DACT2: variants seen among roughly 807,000 people sequenced by gnomAD.
DACT2 encodes dapper homolog 2.
A neutral mutation model predicts 22.2 loss-of-function variants in DACT2; 20 were observed. The observed-to-expected ratio is 0.90, with a 90% CI of 0.63 to 1.31. The LOEUF is 1.31. Ranked by LOEUF, DACT2 falls within the 50% of genes most tolerant of loss-of-function variation. The pLI is 0.00. For synonymous variants in DACT2, 463 were observed against 479.8 expected, an observed-to-expected ratio of 0.96 and a Z score of 0.46; for missense variants, 1,048 against 1,061.4, an observed-to-expected ratio of 0.99 and a Z score of 0.18.
At chr6:168,294,074 G>T (rs867910139) in intron 5 of DACT2, 4 of 702,764 alleles carry the variant, frequency 5.7e-6, no homozygotes, top group Non-Finnish European at 1.0e-5. Flanking sequence ...GCACAGACCC[G>T]CGATGGCAGT....
chr6:168,316,300 A>G (rs1411806787), intron 1 of DACT2, among the ~76,000 whole-genome samples: 1 of 149,574 alleles, frequency 6.7e-6, no homozygotes, highest in Non-Finnish European at 1.5e-5. Context: ...TCGTGTGCTG[A>G]GCTGAGGTCA....
intron 1 of DACT2, among the ~76,000 whole-genome samples, chr6:168,311,558 A>ACACACCCATCCACACACACACT (rs1779405995): frequency 1.3e-5 from 1 of 75,218 alleles, no homozygotes; most frequent in African/African-American, 6.2e-5. Flanking sequence ...ACATACACAC[A>ACACACCCATCCACACACACACT]CTCACACACA....
chr6:168,294,401 G>A (rs886859959), intron 4 of DACT2, among the ~76,000 whole-genome samples: 2 of 151,782 alleles, frequency 1.3e-5, no homozygotes, highest in Non-Finnish European at 2.9e-5. Flanking sequence ...GAGCGTGCAC[G>A]TGGGGTTCAC....
In DACT2 at chr6:168,310,390, CGGAGGCACAGGACGT is replaced by C. The variant is rs1779367567; in HGVS notation, c.421_435del (p.Thr141_Ser145del). 1.9e-6 allele frequency: 3 copies of C among 1,551,606 alleles called. No individual in the cohort carries two copies. The highest frequency in any genetic ancestry group is 2.6e-6 in the Non-Finnish European group (3 of 1,146,938). ...GAGGGAGAGATGTGGTCACTGCAGA[CGGAGGCACAGGACGT>C]GGACAGGGAGCAGGATCCACCGTCG... On this transcript the variant is annotated inframe_deletion, in exon 3 of 4. Transcript: ENST00000366795.
intron 1 of DACT2, among the ~76,000 whole-genome samples, chr6:168,312,664 TACG>T (rs1330806917): frequency 6.6e-6 from 1 of 152,242 alleles, no homozygotes; most frequent in African/African-American, 2.4e-5. Flanking sequence ...GATGAACAAC[TACG>T]ATTAAGGCAA....
chr6:168,308,160 C>T lies in DACT2; in HGVS notation c.1597G>A (p.Glu533Lys). 2 of 1,550,924 alleles carry T rather than the reference C, an allele frequency of 1.3e-6. No individual in the cohort carries two copies. The highest frequency in any genetic ancestry group is 2.4e-5 in the East Asian group (1 of 40,868). The change falls in exon 4 of 4, where the codon GAG becomes AAG. Residue 533 changes from glutamate to lysine, a missense_variant. Coordinates refer to ENST00000366795, the MANE Select transcript of DACT2 (RefSeq NM_214462.5). ...GAHAAPQPSLEWDPAHWPTGR... is the reference protein window; with the variant it reads ...GAHAAPQPSLKWDPAHWPTGR... ...GTGGGCCAGTGGGCAGGGTCCCACT[C>T]CAGGGATGGCTGGGGGGCTGCATGG...
Position 168,307,190 on chromosome 6 carries a change from T to G in DACT2, c.*242A>C. ...CTGGGCAGACCTTGAAAAGAGACAC[T>G]AGGTCGGCCGGGGAGGCTGCTGGCA... is the stretch of plus-strand genomic sequence containing the variant. On this transcript the variant is annotated 3_prime_UTR_variant, in exon 4 of 4. Transcript: ENST00000366795. This position sits in a 1 kb window ranked among gnomAD's most constrained non-coding sequence, Gnocchi z 5.3. 7.3e-7 allele frequency: 1 copy of G among 1,371,688 alleles called. No individual in the cohort carries two copies. Among genetic ancestry groups the G allele is most frequent in the South Asian group, 1.7e-5 (1 of 60,152 alleles). 85.0% of individuals were successfully genotyped at this position (1,371,688 alleles called of 1,614,324 possible).
Position 168,307,803 on chromosome 6 carries a change from G to T in DACT2, c.1954C>A (p.Arg652Ser), listed in dbSNP as rs1006173763. Reference sequence around the variant, plus strand: ...TCGCTCCTGGTGTAGGCGTCCTGGCGGACCAGTGAGGGACGGCCCCGGGCC... The same window carrying T: ...TCGCTCCTGGTGTAGGCGTCCTGGCTGACCAGTGAGGGACGGCCCCGGGCC... ...PLARGRPSLV[R>S]QDAYTRSDSE... Residue 652 changes from arginine to serine, a missense_variant, in exon 4 of 4, where the codon CGC becomes AGC. Arg to Ser is a moderately radical substitution (Grantham distance 110). Coordinates refer to ENST00000366795, the MANE Select transcript of DACT2 (RefSeq NM_214462.5). This position sits in a 1 kb window ranked among gnomAD's most constrained non-coding sequence, Gnocchi z 5.3. 1.3e-6 allele frequency: 2 copies of T among 1,541,796 alleles called. No homozygotes were observed. The highest frequency in any genetic ancestry group is 2.4e-5 in the East Asian group (1 of 40,822).
At chr6:168,304,374 C>T (rs1017212910), downstream of DACT2, among the ~76,000 whole-genome samples, 1 of 152,242 alleles carries the variant, frequency 6.6e-6, no homozygotes, top group Non-Finnish European at 1.5e-5. Flanking sequence ...TTGCAATATC[C>T]CTGTTCTCTG....
At chr6:168,294,318 A>G in intron 4 of DACT2, 1 of 690,216 alleles carries the variant, frequency 1.4e-6, no homozygotes, top group Non-Finnish European at 2.6e-6. Flanking sequence ...AGGAAGGGGA[A>G]GAGGACGGCC....
chr6:168,298,035 C>T (rs1160686748), intron 3 of DACT2: 1 of 152,204 alleles, frequency 6.6e-6, no homozygotes, highest in African/African-American at 2.4e-5. Context: ...GTAATTGTCA[C>T]ATATCCTGAT....
At chr6:168,296,498 AG>A (rs1218865214) in intron 3 of DACT2, among the ~76,000 whole-genome samples, 3 of 147,326 alleles carry the variant, frequency 2.0e-5, no homozygotes, top group Non-Finnish European at 4.4e-5. Context: ...ACCCAGAATC[AG>A]GGAAAGAGCA....
chr6:168,303,547 G>A (rs1194679992), downstream of DACT2, among the ~76,000 whole-genome samples: 8 of 152,232 alleles, frequency 5.3e-5, no homozygotes, highest in East Asian at 7.7e-4. Flanking sequence ...GCTTTCTACC[G>A]TGGGTAGAAG....
At chr6:168,311,115 C>G in intron 2 of DACT2, 37 bp downstream of exon 2, 49 of 1,496,540 alleles carry the variant, frequency 3.3e-5, no homozygotes, top group Non-Finnish European at 4.3e-5. Flanking sequence ...TGCTGCGTGC[C>G]TGCCCCTGTG....
rs745447643 is a variant in DACT2 at position 168,310,391 on chromosome 6, G to A, written c.435C>T (p.Ser145=). 3.4e-5 allele frequency: 53 copies of A among 1,551,522 alleles called. No individual in the cohort carries two copies. Among genetic ancestry groups the A allele is most frequent in the Middle Eastern group, 1.7e-4 (1 of 6,010 alleles). ...GSCSLSTSCA[S]VCSDHISPSL... is the part of the protein sequence containing the mutation. ...AGGGAGAGATGTGGTCACTGCAGAC[G>A]GAGGCACAGGACGTGGACAGGGAGC... is the stretch of plus-strand genomic sequence containing the variant. Residue 145 remains serine (S), a synonymous_variant, in exon 3 of 4, where the codon TCC becomes TCT. Transcript: ENST00000366795.
downstream of DACT2, among the ~76,000 whole-genome samples, chr6:168,304,338 G>A (rs147047680): frequency 3.9e-4 from 60 of 152,332 alleles, no homozygotes; most frequent in South Asian, 8.3e-4. Flanking sequence ...CTCTTTCTGC[G>A]CGCCTGCCTG....
intron 1 of DACT2, among the ~76,000 whole-genome samples, chr6:168,314,192 C>T (rs566753859): frequency 4.6e-5 from 7 of 152,298 alleles, no homozygotes; most frequent in African/African-American, 1.7e-4. Context: ...ATGATTGGAC[C>T]GACTCACTCC....
Position 168,293,837 on chromosome 6 carries a change from G to C in DACT2, c.*57C>G. On this transcript the variant is annotated 3_prime_UTR_variant, in exon 6 of 6. Coordinates refer to the DACT2 transcript ENST00000366796. ...GAAGCTGGGCCTGTGGCCAGGACCCGACTTCCAGCCTGTGACTGGTCAGTC... is the reference window on the plus strand; with the variant it reads ...GAAGCTGGGCCTGTGGCCAGGACCCCACTTCCAGCCTGTGACTGGTCAGTC... 4 of 702,436 alleles carry C rather than the reference G, an allele frequency of 5.7e-6. No homozygotes were observed. The South Asian group carries it at 5.9e-5, about 10-fold the overall frequency. 43.5% of individuals were successfully genotyped at this position (702,436 alleles called of 1,614,324 possible). A position where few individuals can be genotyped will look rare whatever the true frequency, so the allele number is the denominator to read the frequency against.
chr6:168,311,280 C>T lies in DACT2; in HGVS notation c.251G>A (p.Arg84Gln), dbSNP rs750339045. ...CAGGCCGATGTCCTGTTGTCTCAGC[C>T]GGGACTGAGAAGGGAAAGAAGAGAA... ...ALAALQEQLSRLRQQDIGLKT... is the reference protein window; with the variant it reads ...ALAALQEQLSQLRQQDIGLKT... Residue 84 changes from arginine to glutamine, a missense_variant, in exon 2 of 4, where the codon CGG becomes CAG. Physicochemically the swap from Arg to Gln is conservative, Grantham distance 43. Transcript: ENST00000366795. The T allele has an allele frequency of 1.2e-5, 19 of 1,544,204 alleles. 1 individual carries two copies. Among genetic ancestry groups the T allele is most frequent in the South Asian group, 7.2e-5 (6 of 83,778 alleles).
Sources: gnomAD v4.1 joint callset for allele counts (sites outside exome capture counted in the v4.1 genomes callset) on GRCh38, gnomAD v4.1.1 for gene constraint, Gnocchi (gnomAD v3.1) non-coding constraint, MANE v1.5 for transcripts, NCBI Gene and HGNC (gene_info 2026-07-23, HGNC 2026-07-21) for gene names.